Variants in PIGP observed in about 807,000 individuals in gnomAD.
The protein encoded by PIGP is phosphatidylinositol N-acetylglucosaminyltransferase subunit P.
Under a neutral mutation model 16.9 loss-of-function variants are expected in PIGP, and 12 were observed. That is an observed-to-expected ratio of 0.71 (90% CI 0.46 to 1.15). The LOEUF (loss-of-function observed/expected upper bound fraction) is 1.15, where lower values mean the gene tolerates loss of function less well. Ranked by LOEUF, PIGP falls within the 50% of genes most tolerant of loss-of-function variation. The pLI is 0.00. For missense variants in PIGP, 159 were observed against 153.5 expected, an observed-to-expected ratio of 1.04 and a Z score of -0.19; for synonymous variants, 57 against 54.7, an observed-to-expected ratio of 1.04 and a Z score of -0.18.
chr21:37,067,275 G>A lies in PIGP; in HGVS notation c.261C>T (p.Ile87=). Residue 87 remains isoleucine, a synonymous_variant, in exon 4 of 5, where the codon ATC becomes ATT. Transcript: ENST00000360525. ...NMMSTSPLDS[I]HTITDNYAKN... ...ATATAAAGTTACCTGTGATTGTATGGATGGAGTCGAGTGGAGAGGTACTCA... is the reference window on the plus strand; with the variant it reads ...ATATAAAGTTACCTGTGATTGTATGAATGGAGTCGAGTGGAGAGGTACTCA... The A allele has an allele frequency of 6.3e-7, 1 of 1,577,102 alleles. No homozygotes were observed.
intron 2 of PIGP, chr21:37,072,058 G>T: frequency 1.3e-6 from 1 of 785,282 alleles, no homozygotes; most frequent in South Asian, 1.3e-5. Flanking sequence ...GGCCTCTGTA[G>T]AAAGCCTTGA....
Position 37,072,292 on chromosome 21 carries a change from C to T in PIGP, c.82+142G>A. 3.1e-6 allele frequency: 5 copies of T among 1,605,018 alleles called. No individual in the cohort carries two copies. The South Asian group carries it at 3.3e-5, about 11-fold the overall frequency. On this transcript the variant is annotated intron_variant, in intron 2 of 4. Coordinates refer to ENST00000360525, the MANE Select transcript of PIGP (RefSeq NM_153682.3). The stretch of plus-strand genomic sequence containing the variant: ...TGGCACACGGAACACTCAGCAAACA[C>T]GAGATCCCTTCAGATTTTCTTAAAA...
rs762155393 is a variant in PIGP, at chr21:37,072,617, C to G, written c.-22-80G>C. ...CCATTCTCGCCTCCTCGCTCCGCCG[C>G]GGGTACGGCCCCCGCCGCGCAGAAC... On this transcript the variant is annotated intron_variant, in intron 1 of 4. Coordinates refer to ENST00000360525, the MANE Select transcript of PIGP (RefSeq NM_153682.3). 8.7e-6 allele frequency: 14 copies of G among 1,602,374 alleles called. No individual in the cohort carries two copies. The East Asian group carries it at 2.5e-4, about 28-fold the overall frequency.
Position 37,065,477 on chromosome 21 carries a change from TTCTC to T in PIGP, c.*101_*104del. ...GAGAAGGTCAACTTACATTTTTTAC[TTCTC>T]TATTAATAAGAGAGATGGTCAAATT... On this transcript the variant is annotated 3_prime_UTR_variant, in exon 5 of 5. Transcript: ENST00000360525. 1 of 1,106,284 alleles carries T rather than the reference TTCTC, an allele frequency of 9.0e-7. No individual in the cohort carries two copies. 68.5% of individuals were successfully genotyped at this position (1,106,284 alleles called of 1,614,324 possible). A position where few individuals can be genotyped will look rare whatever the true frequency, so the allele number is the denominator to read the frequency against.
At chr21:37,067,511 T>C (rs1009308838) in intron 3 of PIGP, 131 bp from the exon 4 acceptor site, 10 of 578,248 alleles carry the variant, frequency 1.7e-5, no homozygotes, top group African/African-American at 1.5e-4. Flanking sequence ...AAGAGACAAA[T>C]AGTTCCACAA....
intron 2 of PIGP, among the ~76,000 whole-genome samples, chr21:37,070,049 T>C (rs73901835): frequency 8.4e-4 from 128 of 152,238 alleles, no homozygotes; most frequent in Non-Finnish European, 4.1e-4. Context: ...TTCTGCCCTA[T>C]CTCCCAGAGT....
At chr21:37,069,295 GT>G (rs771377471) in intron 3 of PIGP, 9,747 of 204,644 alleles carry the variant, frequency 0.048, 134 homozygotes, top group Admixed American at 0.13. Flanking sequence ...TGTATCTTCA[GT>G]TTTTTTTTTT....
At chr21:37,072,407 C>T (rs775058651) in intron 2 of PIGP, 27 bp downstream of exon 2, 11 of 1,613,566 alleles carry the variant, frequency 6.8e-6, no homozygotes, top group South Asian at 6.6e-5. Flanking sequence ...GAAAAAGCCC[C>T]TGGCCATCCA....
chr21:37,069,038 AT>A (rs2069954435), intron 3 of PIGP, among the ~76,000 whole-genome samples: 1 of 152,140 alleles, frequency 6.6e-6, no homozygotes. Flanking sequence ...GCTGAGGGAG[AT>A]TTGAAGGCTG....
chr21:37,067,649 G>C (rs1269558564), intron 3 of PIGP, among the ~76,000 whole-genome samples: 1 of 152,064 alleles, frequency 6.6e-6, no homozygotes, highest in Non-Finnish European at 1.5e-5. Context: ...TACAAAACAT[G>C]CTCATATTAC....
Position 37,065,481 on chromosome 21 carries a change from CTATT to C in PIGP, c.*97_*100del. 8.5e-7 allele frequency: 1 copy of C among 1,174,332 alleles called. No individual in the cohort carries two copies. Among genetic ancestry groups the C allele is most frequent in the East Asian group, 2.6e-5 (1 of 38,744 alleles). 72.7% of individuals were successfully genotyped at this position (1,174,332 alleles called of 1,614,324 possible). A position where few individuals can be genotyped will look rare whatever the true frequency, so the allele number is the denominator to read the frequency against. ...AGGTCAACTTACATTTTTTACTTCT[CTATT>C]AATAAGAGAGATGGTCAAATTAATT... On this transcript the variant is annotated 3_prime_UTR_variant, in exon 5 of 5. Transcript: ENST00000360525.
chr21:37,066,056 C>G (rs578095600), intron 4 of PIGP, among the ~76,000 whole-genome samples: 7 of 151,486 alleles, frequency 4.6e-5, no homozygotes, highest in Admixed American at 1.3e-4. Context: ...GCACTCCAGC[C>G]TGGGTGACAG....
intron 2 of PIGP, among the ~76,000 whole-genome samples, chr21:37,071,029 G>C (rs755366455): frequency 6.6e-6 from 1 of 152,208 alleles, no homozygotes; most frequent in Non-Finnish European, 1.5e-5. Flanking sequence ...CCAAAGTGCC[G>C]GGATTACAGG....
intron 1 of PIGP, 103 bp from the exon 2 acceptor site, chr21:37,072,640 A>G (rs2070169702): frequency 7.6e-6 from 12 of 1,587,624 alleles, no homozygotes; most frequent in Non-Finnish European, 1.0e-5. Flanking sequence ...CGCCGCGCAG[A>G]ACCGCCTCCC....
Position 37,069,562 on chromosome 21 carries a change from A to C in PIGP, c.145T>G (p.Trp49Gly). The change falls in exon 3 of 5, where the codon TGG becomes GGG. Residue 49 changes from tryptophan to glycine, a missense_variant. Trp to Gly is a radical substitution (Grantham distance 184, BLOSUM62 -2). Transcript: ENST00000360525. ...SWLNSLGLTY[W>G]PQKYWAVALP... ...ATATATTAAACTTACTTTTGAGGCCAATAGGTTAAACCTAAAGAGTTTAGC... is the reference window on the plus strand; with the variant it reads ...ATATATTAAACTTACTTTTGAGGCCCATAGGTTAAACCTAAAGAGTTTAGC... 1 of 1,555,078 alleles carries C rather than the reference A, an allele frequency of 6.4e-7. No individual in the cohort carries two copies. Among genetic ancestry groups the C allele is most frequent in the Non-Finnish European group, 8.7e-7 (1 of 1,144,106 alleles).
chr21:37,067,325 C>G lies in PIGP; in HGVS notation c.211G>C (p.Val71Leu), dbSNP rs371292571. The change falls in exon 4 of 5, where the codon GTG becomes CTG. Residue 71 changes from valine (V) to leucine (L), a missense_variant. Coordinates refer to ENST00000360525, the MANE Select transcript of PIGP (RefSeq NM_153682.3). ...YLLIAIVIGY[V>L]LLFGINMMST... ...ATCATGTTAATCCCAAACAAGAGCA[C>G]GTAGCCAATTACTATAGCAATAAGG... 1 of 1,612,234 alleles carries G rather than the reference C, an allele frequency of 6.2e-7. No individual in the cohort carries two copies. The highest frequency in any genetic ancestry group is 1.1e-5 in the South Asian group (1 of 91,024).
At chr21:37,071,477 A>C (rs986365071) in intron 2 of PIGP, among the ~76,000 whole-genome samples, 1 of 152,188 alleles carries the variant, frequency 6.6e-6, no homozygotes, top group Non-Finnish European at 1.5e-5. Context: ...GAGGCTCAAA[A>C]AATTTGCTGA....
chr21:37,071,127 G>C (rs1023949014), intron 2 of PIGP, among the ~76,000 whole-genome samples: 1 of 152,164 alleles, frequency 6.6e-6, no homozygotes, highest in African/African-American at 2.4e-5. Flanking sequence ...CATACTCTTT[G>C]AACAAGGATT....
At chr21:37,066,570 A>G (rs1978304172) in intron 4 of PIGP, among the ~76,000 whole-genome samples, 1 of 152,224 alleles carries the variant, frequency 6.6e-6, no homozygotes, top group Non-Finnish European at 1.5e-5. Flanking sequence ...TTAGACTTGA[A>G]AGAACTTTAA....
Sources: allele counts gnomAD v4.1 joint callset (sites outside exome capture counted in the v4.1 genomes callset), GRCh38; gene constraint gnomAD v4.1.1; transcripts MANE v1.5; gene names NCBI Gene and HGNC (gene_info 2026-07-23, HGNC 2026-07-21).